HPS1: variants seen among roughly 807,000 people sequenced by gnomAD.
HPS1 encodes BLOC-3 complex member HPS1.
HPS1 carries 59 observed loss-of-function variants against 90.6 expected under a neutral mutation model. That is an observed-to-expected ratio of 0.65 (90% CI 0.53 to 0.81). HPS1 has a LOEUF of 0.81. Ranked by LOEUF, HPS1 falls within the 30% of genes least tolerant of loss-of-function variation. The pLI is 0.00. For missense variants in HPS1, 849 were observed against 896.7 expected, an observed-to-expected ratio of 0.95 and a Z score of 0.68; for synonymous variants, 388 against 384.4, an observed-to-expected ratio of 1.01 and a Z score of -0.11.
intron 18 of HPS1, among the ~76,000 whole-genome samples, chr10:98,419,844 C>G (rs747929357): frequency 1.3e-5 from 2 of 152,256 alleles, no homozygotes; most frequent in Non-Finnish European, 2.9e-5. Flanking sequence ...TGCCAGACAG[C>G]TGGGCAGAGG....
chr10:98,429,778 G>A lies in HPS1; in HGVS notation c.867+13C>T. 1 of 1,613,724 alleles carries A rather than the reference G, an allele frequency of 6.2e-7. No homozygotes were observed. Among genetic ancestry groups the A allele is most frequent in the Non-Finnish European group, 8.5e-7 (1 of 1,179,816 alleles). ...CCTCCTGCCCCTGACTCCACGAAGTGCACAGCACACACCGTCTCTGCAGAG... is the reference window on the plus strand; with the variant it reads ...CCTCCTGCCCCTGACTCCACGAAGTACACAGCACACACCGTCTCTGCAGAG... On this transcript the variant is annotated intron_variant, in intron 9 of 19. Transcript: ENST00000361490.
chr10:98,443,007 C>T (rs1218696705), intron 3 of HPS1, 117 bp downstream of exon 3: 5 of 820,730 alleles, frequency 6.1e-6, no homozygotes, highest in Non-Finnish European at 8.7e-6. Context: ...CACCCAGCAC[C>T]CTGCTCATGC....
At chr10:98,423,987 G>C (rs2136138098) in intron 14 of HPS1, 100 bp from the exon 15 acceptor site, 1 of 1,497,454 alleles carries the variant, frequency 6.7e-7, no homozygotes, top group Non-Finnish European at 9.2e-7. Flanking sequence ...AGACAGACCT[G>C]GGGAGCCCTT....
chr10:98,446,767 GC>G (rs1167875217), intron 1 of HPS1, 39 bp downstream of exon 1: 2 of 152,278 alleles, frequency 1.3e-5, no homozygotes, highest in African/African-American at 4.8e-5. Context: ...AGTGGGTGAG[GC>G]TAGGAGTGGG....
chr10:98,430,447 C>T, intron 8 of HPS1, 124 bp downstream of exon 8: 1 of 761,104 alleles, frequency 1.3e-6, no homozygotes, highest in Admixed American at 2.0e-5. Flanking sequence ...CGCCCAACCA[C>T]ACACCCAGAA....
At chr10:98,429,937 C>G (rs372747951) in intron 8 of HPS1, 48 bp from the exon 9 acceptor site, 1 of 1,524,074 alleles carries the variant, frequency 6.6e-7, no homozygotes, top group Non-Finnish European at 9.0e-7. Flanking sequence ...TGACCTGGCT[C>G]CCTCCACCCC....
At chr10:98,433,767 G>A (rs548974102) in intron 6 of HPS1, among the ~76,000 whole-genome samples, 2 of 152,326 alleles carry the variant, frequency 1.3e-5, no homozygotes, top group South Asian at 4.1e-4. Context: ...TGCATTAAAA[G>A]TATGTGTTAT....
intron 3 of HPS1, among the ~76,000 whole-genome samples, chr10:98,436,554 T>C (rs1475815098): frequency 7.3e-6 from 1 of 137,502 alleles, no homozygotes; most frequent in East Asian, 2.4e-4. Context: ...TTTGATAAGC[T>C]CTTCCTCCAT....
At chr10:98,418,323 G>A (rs1016532243) in intron 18 of HPS1, 66 bp from the exon 19 acceptor site, 13 of 877,560 alleles carry the variant, frequency 1.5e-5, no homozygotes, top group African/African-American at 3.4e-5. Context: ...CAGACGCACC[G>A]GGCTTGCGGC....
chr10:98,437,823 C>A (rs1416632338), intron 3 of HPS1, among the ~76,000 whole-genome samples: 1 of 152,164 alleles, frequency 6.6e-6, no homozygotes, highest in Non-Finnish European at 1.5e-5. Flanking sequence ...AGCTTTGTGT[C>A]CCCATCAAAT....
At chr10:98,437,121 T>C (rs1465937304) in intron 3 of HPS1, among the ~76,000 whole-genome samples, 1 of 152,164 alleles carries the variant, frequency 6.6e-6, no homozygotes, top group Admixed American at 6.5e-5. Context: ...GAACTCATGG[T>C]ACTTATTTGC....
At chr10:98,434,732 C>G (rs1280045842) in intron 5 of HPS1, among the ~76,000 whole-genome samples, 1 of 152,062 alleles carries the variant, frequency 6.6e-6, no homozygotes, top group African/African-American at 2.4e-5. Context: ...TACATTTCAA[C>G]TACAAGCCTT....
At chr10:98,415,039 G>A, downstream of HPS1, 1 of 1,613,864 alleles carries the variant, frequency 6.2e-7, no homozygotes, top group East Asian at 2.2e-5. Context: ...TCATACTCAG[G>A]CTTCAGACCT....
intron 7 of HPS1, 139 bp downstream of exon 7, chr10:98,430,992 G>C: frequency 1.1e-6 from 1 of 882,760 alleles, no homozygotes; most frequent in South Asian, 1.4e-5. Flanking sequence ...AAAGGTTGGA[G>C]AATCAAATCT....
chr10:98,432,654 C>A (rs1344133868), intron 6 of HPS1, among the ~76,000 whole-genome samples: 1 of 152,036 alleles, frequency 6.6e-6, no homozygotes, highest in Non-Finnish European at 1.5e-5. Flanking sequence ...TTTAGAGTTT[C>A]TTCTTATCTC....
Position 98,423,807 on chromosome 10 carries a change from C to A in HPS1, c.1478G>T (p.Arg493Met). Residue 493 changes from arginine to methionine, a missense_variant, in exon 15 of 20, where the codon AGG becomes ATG. Arg to Met is a moderately conservative substitution (Grantham distance 91, BLOSUM62 -1). Transcript: ENST00000361490. ...RLNFLTTAPSRGGPHLPQHLQ... is the reference protein window; with the variant it reads ...RLNFLTTAPSMGGPHLPQHLQ... ...GTGCTGGGGCAGGTGTGGGCCTCCC[C>A]TGCTGGGGGCTGTGGTCAGAAAGTT... The A allele has an allele frequency of 6.2e-7, 1 of 1,614,062 alleles. No homozygotes were observed. The highest frequency in any genetic ancestry group is 8.5e-7 in the Non-Finnish European group (1 of 1,180,032).
rs2136136687 is a variant in HPS1, at chr10:98,423,833, C to T, written c.1452G>A (p.Leu484=). The T allele has an allele frequency of 6.2e-7, 1 of 1,614,002 alleles. No homozygotes were observed. The highest frequency in any genetic ancestry group is 8.5e-7 in the Non-Finnish European group (1 of 1,180,038). The change falls in exon 15 of 20, where the codon CTG becomes CTA. Residue 484 remains leucine (L), a synonymous_variant. Coordinates refer to ENST00000361490, the MANE Select transcript of HPS1 (RefSeq NM_000195.5). ...LKRQLCAIYR[L]NFLTTAPSRG... is the part of the protein sequence containing the mutation. ...TGCTGGGGGCTGTGGTCAGAAAGTT[C>T]AGCCGGTAGATGGCGCAGAGCTGCC...
In HPS1 at chr10:98,441,300, T is replaced by C. The variant is rs145245388; in HGVS notation, c.117+1824A>G. 3.9e-5 allele frequency among the ~76,000 whole-genome samples: 6 copies of C among 152,356 alleles called. No homozygotes were observed. In the East Asian group the frequency reaches 1.2e-3, roughly 29 times the overall value. On this transcript the variant is annotated intron_variant, in intron 3 of 19. Transcript: ENST00000361490. ...AATGACAAGTATTTCTGAGTTGTAATGTTAAACTGTTGAACTGGATGTCCA... is the reference window on the plus strand; with the variant it reads ...AATGACAAGTATTTCTGAGTTGTAACGTTAAACTGTTGAACTGGATGTCCA...
At chr10:98,419,524 C>G (rs868588975) in intron 18 of HPS1, among the ~76,000 whole-genome samples, 25 of 152,218 alleles carry the variant, frequency 1.6e-4, no homozygotes, top group East Asian at 5.9e-4. Context: ...AAGCTCCCCC[C>G]ACTGGACCCT....
Sources: allele counts gnomAD v4.1 joint callset (sites outside exome capture counted in the v4.1 genomes callset), GRCh38; gene constraint gnomAD v4.1.1; transcripts MANE v1.5; gene names NCBI Gene and HGNC (gene_info 2026-07-23, HGNC 2026-07-21).